Variants in RIMS2 observed in about 807,000 individuals in gnomAD.
RIMS2 encodes regulating synaptic membrane exocytosis protein 2.
In RIMS2, 59 loss-of-function variants were observed where a neutral mutation model predicts 174.4. The observed-to-expected ratio is 0.34, with a 90% CI of 0.27 to 0.42. The LOEUF (loss-of-function observed/expected upper bound fraction) is 0.42. Among genes scored for constraint, RIMS2 ranks in the 10% least tolerant of loss-of-function variants. The probability of loss-of-function intolerance (pLI) is 1.00; values close to 1 mark genes in which losing one functional copy is unlikely to be tolerated. For synonymous variants in RIMS2, 606 were observed against 572.5 expected (o/e 1.06, Z -0.84); for missense variants, 1,620 against 1,666.3 (o/e 0.97, Z 0.48).
chr8:103,819,531 G>C, intron 3 of RIMS2: 1 of 1,612,678 alleles, frequency 6.2e-7, no homozygotes, highest in South Asian at 1.1e-5. Flanking sequence ...CATTGCGCCA[G>C]GTCTGCAATT....
At chr8:104,132,884 C>A (rs1360204068) in intron 19 of RIMS2, among the ~76,000 whole-genome samples, 1 of 152,216 alleles carries the variant, frequency 6.6e-6, no homozygotes, top group Admixed American at 6.5e-5. Flanking sequence ...CCATCTGCAT[C>A]ACCTGGGAAT....
exon 17 of RIMS2, chr8:103,989,415 G>A (rs1446237739): frequency 6.5e-7 from 1 of 1,537,668 alleles, no homozygotes; most frequent in Admixed American, 1.7e-5. Flanking sequence ...TCTCCAGATA[G>A]AGACAGGTAA....
chr8:104,214,819 C>A (rs2099122645), intron 19 of RIMS2, among the ~76,000 whole-genome samples: 1 of 152,196 alleles, frequency 6.6e-6, no homozygotes. Context: ...GAGTTGGCTA[C>A]TTTGCCCACA....
intron 17 of RIMS2, 43 bp from the exon 20 acceptor site, chr8:104,013,399 G>C (rs2095817103): frequency 2.0e-6 from 3 of 1,513,382 alleles, no homozygotes; most frequent in Non-Finnish European, 2.7e-6. Flanking sequence ...ATAGCAGAAG[G>C]GCACTAAAGA....
At chr8:104,162,975 T>C (rs1471204537) in intron 19 of RIMS2, among the ~76,000 whole-genome samples, 1 of 152,182 alleles carries the variant, frequency 6.6e-6, no homozygotes, top group Non-Finnish European at 1.5e-5. Flanking sequence ...CTGTCCGTGT[T>C]ACCTACTAGA....
At chr8:104,094,389 C>A (rs967362714) in intron 19 of RIMS2, 4 of 562,602 alleles carry the variant, frequency 7.1e-6, no homozygotes, top group Non-Finnish European at 1.3e-5. Flanking sequence ...TTTTTATTAC[C>A]TTTCTGTTTA....
chr8:103,608,536 G>A (rs1168983565), intron 1 of RIMS2, among the ~76,000 whole-genome samples: 2 of 144,622 alleles, frequency 1.4e-5, no homozygotes, highest in South Asian at 2.1e-4. Context: ...CGAGCTTCCC[G>A]CTGCTTTGTT....
chr8:103,649,748 G>A (rs2096414653), intron 1 of RIMS2, among the ~76,000 whole-genome samples: 1 of 151,174 alleles, frequency 6.6e-6, no homozygotes, highest in South Asian at 2.1e-4. Context: ...TAGTTCTCAT[G>A]TTGTGTTTTT....
At chr8:103,875,227 T>C (rs899418185) in intron 3 of RIMS2, among the ~76,000 whole-genome samples, 2 of 151,968 alleles carry the variant, frequency 1.3e-5, no homozygotes, top group Non-Finnish European at 2.9e-5. Context: ...ATATAGTGTA[T>C]ATTGTACCCA....
At chr8:103,672,755 TTCC>T (rs2096760539) in intron 1 of RIMS2, among the ~76,000 whole-genome samples, 1 of 152,016 alleles carries the variant, frequency 6.6e-6, no homozygotes, top group African/African-American at 2.4e-5. Flanking sequence ...AACTATATCA[TTCC>T]ATCCCTTGTC....
chr8:103,650,225 C>T (rs756590122), intron 1 of RIMS2, among the ~76,000 whole-genome samples: 4 of 152,192 alleles, frequency 2.6e-5, no homozygotes, highest in Non-Finnish European at 4.4e-5. Flanking sequence ...TAGTTGCCTT[C>T]GTTTTTCTCC....
At chr8:103,978,626 A>T (rs2093645386) in intron 16 of RIMS2, among the ~76,000 whole-genome samples, 1 of 152,240 alleles carries the variant, frequency 6.6e-6, no homozygotes, top group Non-Finnish European at 1.5e-5. Context: ...TATAAAAACT[A>T]ATAAAAATAC....
At chr8:103,807,371 G>T (rs138324900) in intron 3 of RIMS2, among the ~76,000 whole-genome samples, 4 of 152,290 alleles carry the variant, frequency 2.6e-5, no homozygotes, top group East Asian at 3.9e-4. Flanking sequence ...TTGATAACAT[G>T]CAAGTAATTG....
Position 103,918,422 on chromosome 8 carries a change from T to TG in RIMS2, c.2037-19_2037-18insG. ...GTTGAAACAGTTTCTGTCTTTCTTTTTTTTTTTAATCATTTCAGAGATATA... is the reference window on the plus strand; with the variant it reads ...GTTGAAACAGTTTCTGTCTTTCTTTTGTTTTTTTAATCATTTCAGAGATATA... On this transcript the variant is annotated intron_variant, in intron 8 of 23. Transcript: ENST00000504942. The TG allele has an allele frequency of 6.6e-7, 1 of 1,517,802 alleles. No homozygotes were observed. The highest frequency in any genetic ancestry group is 8.9e-7 in the Non-Finnish European group (1 of 1,123,316). The allele number at this position is 1,517,802 out of a possible 1,614,324, so 94.0% of individuals were successfully genotyped here.
intron 19 of RIMS2, among the ~76,000 whole-genome samples, chr8:104,045,323 ATATGTTGACTTAGCAC>A (rs1219456921): frequency 6.6e-6 from 1 of 151,892 alleles, no homozygotes; most frequent in Non-Finnish European, 1.5e-5. Flanking sequence ...AAGCAGCAAA[ATATGTTGACTTAGCAC>A]TTGCAAATCA....
chr8:103,876,905 T>C (rs796078956), intron 3 of RIMS2, among the ~76,000 whole-genome samples: 3,989 of 61,308 alleles, frequency 0.065, 303 homozygotes, highest in Non-Finnish European at 0.1. Flanking sequence ...TATATATATA[T>C]ATATACACAC....
intron 2 of RIMS2, among the ~76,000 whole-genome samples, chr8:103,752,369 A>G (rs1025894754): frequency 1.3e-5 from 2 of 152,144 alleles, no homozygotes; most frequent in South Asian, 4.1e-4. Context: ...TAGTATAGTT[A>G]GAAGTCAGGT....
In RIMS2 at chr8:103,739,912, T is replaced by A. The variant is rs543151775; in HGVS notation, c.388-26315T>A. On this transcript the variant is annotated intron_variant, in intron 2 of 23. Transcript: ENST00000504942. The stretch of plus-strand genomic sequence containing the variant: ...TTGTACCATAGACTAAGTCCTCAAG[T>A]GTCATCATTATATATCTTGGGGTCT... Among the ~76,000 whole-genome samples the A allele has an allele frequency of 5.9e-5, 9 of 152,254 alleles. No homozygotes were observed. In the East Asian group the frequency reaches 1.7e-3, roughly 29 times the overall value.
At chr8:103,599,651 A>C (rs759969316) in intron 1 of RIMS2, among the ~76,000 whole-genome samples, 9 of 151,652 alleles carry the variant, frequency 5.9e-5, no homozygotes, top group African/African-American at 1.7e-4. Flanking sequence ...AGACCTCACT[A>C]TACTACCCAG....
Sources: allele counts gnomAD v4.1 joint callset (sites outside exome capture counted in the v4.1 genomes callset), GRCh38; gene constraint gnomAD v4.1.1; transcripts MANE v1.5; gene names NCBI Gene and HGNC (gene_info 2026-07-23, HGNC 2026-07-21).